The following GCNT1 variants were observed in gnomAD, a reference collection of about 807,000 sequenced individuals.
GCNT1 encodes the protein beta-1,3-galactosyl-O-glycosyl-glycoprotein beta-1,6-N-acetylglucosaminyltransferase.
GCNT1 carries 16 observed loss-of-function variants against 26.2 expected under a neutral mutation model. The observed-to-expected ratio is 0.61, with a 90% CI of 0.41 to 0.93. The LOEUF is 0.93. GCNT1 is among the 40% of genes least tolerant of loss of function. The pLI is 0.00. For missense variants in GCNT1, 477 were observed against 526.7 expected (o/e 0.91, Z 0.92); for synonymous variants, 183 against 190.8 (o/e 0.96, Z 0.34).
intron 2 of GCNT1, among the ~76,000 whole-genome samples, chr9:76,465,536 G>A (rs1264304887): frequency 6.6e-6 from 1 of 152,336 alleles, no homozygotes; most frequent in South Asian, 2.1e-4. Context: ...CTTCTATTCT[G>A]TGTGGACCAA....
At chr9:76,449,711 C>A (rs1823634038) in intron 1 of GCNT1, among the ~76,000 whole-genome samples, 1 of 152,196 alleles carries the variant, frequency 6.6e-6, no homozygotes, top group African/African-American at 2.4e-5. Context: ...TGGGTCTAAG[C>A]ACCTCTTTGG....
At chr9:76,423,660 A>G (rs1823227165) in intron 1 of GCNT1, among the ~76,000 whole-genome samples, 1 of 152,252 alleles carries the variant, frequency 6.6e-6, no homozygotes, top group Non-Finnish European at 1.5e-5. Flanking sequence ...CAGATCTGCA[A>G]TGAGAAAGGA....
the GCNT1 span, chr9:76,399,048 G>C: frequency 3.1e-6 from 5 of 1,596,110 alleles, no homozygotes; most frequent in African/African-American, 6.7e-5. Context: ...GCAGCCTTCC[G>C]GGAGCCATGG....
intron 2 of GCNT1, among the ~76,000 whole-genome samples, chr9:76,467,277 A>C (rs6560526): frequency 0.69 from 105,044 of 152,028 alleles, 37,144 homozygotes; most frequent in African/African-American, 0.83. Flanking sequence ...CTCCTGACCT[A>C]GTGATCCACC....
chr9:76,467,198 G>A (rs564701012), intron 2 of GCNT1, among the ~76,000 whole-genome samples: 38 of 152,160 alleles, frequency 2.5e-4, no homozygotes, highest in Non-Finnish European at 4.3e-4. Context: ...ACCCGCCACC[G>A]CGCCCAGCTA....
At chr9:76,484,431 T>C (rs1824511231) in intron 2 of GCNT1, among the ~76,000 whole-genome samples, 1 of 151,808 alleles carries the variant, frequency 6.6e-6, no homozygotes, top group African/African-American at 2.4e-5. Flanking sequence ...AAAATAACAA[T>C]GATAAGCCCT....
intron 1 of GCNT1, among the ~76,000 whole-genome samples, chr9:76,435,894 A>G (rs1387752542): frequency 6.6e-6 from 1 of 151,668 alleles, no homozygotes. Flanking sequence ...GGTACATTCA[A>G]TCCTGGAGCA....
At chr9:76,475,031 C>T (rs543390385) in intron 2 of GCNT1, among the ~76,000 whole-genome samples, 2 of 152,302 alleles carry the variant, frequency 1.3e-5, no homozygotes, top group African/African-American at 4.8e-5. Flanking sequence ...CCTGCCTCAG[C>T]CTCTTGAGTA....
Position 76,502,965 on chromosome 9 carries a change from C to T in GCNT1, c.584C>T (p.Ala195Val). ...VVYASWSRVQ[A>V]DLNCMKDLYA... ...TATGCATCGTGGAGCCGGGTTCAGG[C>T]TGACCTCAACTGCATGAAGGATCTC... Residue 195 changes from alanine to valine, a missense_variant, in exon 4 of 4, where the codon GCT (alanine) becomes GTT (valine). Transcript: ENST00000376730. 1 of 1,613,004 alleles carries T rather than the reference C, an allele frequency of 6.2e-7. No homozygotes were observed. The highest frequency in any genetic ancestry group is 8.5e-7 in the Non-Finnish European group (1 of 1,179,946).
intron 2 of GCNT1, among the ~76,000 whole-genome samples, chr9:76,490,713 G>A (rs1824709399): frequency 6.6e-6 from 1 of 152,198 alleles, no homozygotes; most frequent in African/African-American, 2.4e-5. Context: ...TTGGCTGAGT[G>A]CAAAGAACTC....
intron 2 of GCNT1, among the ~76,000 whole-genome samples, chr9:76,478,501 T>C (rs1824317925): frequency 6.6e-6 from 1 of 152,156 alleles, no homozygotes; most frequent in Non-Finnish European, 1.5e-5. Flanking sequence ...GCTGTAATAC[T>C]CACCGGGAGG....
intron 1 of GCNT1, among the ~76,000 whole-genome samples, chr9:76,453,405 G>A (rs1254690138): frequency 6.6e-6 from 1 of 152,136 alleles, no homozygotes; most frequent in East Asian, 1.9e-4. Context: ...TAGATGAGCT[G>A]GTTTAAGGAG....
At chr9:76,466,027 G>A (rs904833845) in intron 2 of GCNT1, among the ~76,000 whole-genome samples, 1 of 152,160 alleles carries the variant, frequency 6.6e-6, no homozygotes, top group African/African-American at 2.4e-5. Context: ...GCTACTCCTG[G>A]AAGAGATCTG....
chr9:76,415,892 C>T (rs1466423370), upstream of GCNT1, among the ~76,000 whole-genome samples: 1 of 151,960 alleles, frequency 6.6e-6, no homozygotes, highest in Non-Finnish European at 1.5e-5. Flanking sequence ...TTTTTTGTTC[C>T]ACTGCCAAGA....
chr9:76,410,838 T>C, the GCNT1 span, among the ~76,000 whole-genome samples: 8 of 152,220 alleles, frequency 5.3e-5, no homozygotes, highest in Non-Finnish European at 1.2e-4. Flanking sequence ...TGTATTCCTA[T>C]CAGTTTTTGC....
the GCNT1 span, among the ~76,000 whole-genome samples, chr9:76,411,602 T>TA: frequency 1.7e-4 from 26 of 152,072 alleles, no homozygotes; most frequent in Non-Finnish European, 3.4e-4. Context: ...GTGCTGGGAT[T>TA]ATAAGTGTGA....
At chr9:76,431,522 C>T (rs1315465601) in intron 1 of GCNT1, among the ~76,000 whole-genome samples, 4 of 152,178 alleles carry the variant, frequency 2.6e-5, no homozygotes, top group African/African-American at 7.2e-5. Context: ...CAGGAAACAT[C>T]ACCCTCCTAG....
Position 76,503,747 on chromosome 9 carries a change from C to A in GCNT1, c.*79C>A. ...TCTGTTTCCCCTTCCTTGTCAGCAT[C>A]GGGAAGATGGTATGAAGTCCTCTTT... is the stretch of plus-strand genomic sequence containing the variant. On this transcript the variant is annotated 3_prime_UTR_variant, in exon 4 of 4. Coordinates refer to ENST00000376730, the MANE Select transcript of GCNT1 (RefSeq NM_001490.5). 1 of 1,138,726 alleles carries A rather than the reference C, an allele frequency of 8.8e-7. No homozygotes were observed. Among genetic ancestry groups the A allele is most frequent in the Non-Finnish European group, 1.3e-6 (1 of 762,812 alleles). 70.5% of individuals were successfully genotyped at this position (1,138,726 alleles called of 1,614,324 possible).
intron 2 of GCNT1, among the ~76,000 whole-genome samples, chr9:76,488,060 C>T (rs1564242670): frequency 1.3e-5 from 2 of 152,220 alleles, no homozygotes; most frequent in African/African-American, 4.8e-5. Flanking sequence ...AACTCATTCT[C>T]CAGTAGCTGG....
Sources: allele counts gnomAD v4.1 joint callset (sites outside exome capture counted in the v4.1 genomes callset), GRCh38; gene constraint gnomAD v4.1.1; transcripts MANE v1.5; gene names NCBI Gene and HGNC (gene_info 2026-07-23, HGNC 2026-07-21).